Variants in ZFAT observed in about 807,000 individuals in gnomAD.
ZFAT encodes the protein zinc finger and AT-hook domain containing, also known as zinc finger protein ZFAT.
In ZFAT, 64 loss-of-function variants were observed where a neutral mutation model predicts 117.7. The observed-to-expected ratio is 0.54, with a 90% confidence interval of 0.44 to 0.67. The LOEUF is 0.67. Among genes scored for constraint, ZFAT ranks in the 30% least tolerant of loss-of-function variants. The pLI, the probability that ZFAT is intolerant of heterozygous loss-of-function variation, is 0.00. For missense variants in ZFAT, 1,433 were observed against 1,584.5 expected, an observed-to-expected ratio of 0.90 and a Z score of 1.62; for synonymous variants, 679 against 615.0, an observed-to-expected ratio of 1.10 and a Z score of -1.54.
intron 15 of ZFAT, among the ~76,000 whole-genome samples, chr8:134,489,584 C>T (rs1942633878): frequency 1.3e-5 from 2 of 152,164 alleles, no homozygotes; most frequent in Non-Finnish European, 2.9e-5. Context: ...ATCTCTGCCG[C>T]ATCTGTCTCC....
chr8:134,737,172 C>T, the ZFAT span, among the ~76,000 whole-genome samples: 1 of 151,978 alleles, frequency 6.6e-6, no homozygotes, highest in African/African-American at 2.4e-5. Flanking sequence ...CCCAGCTACC[C>T]AGGAGGCTGA....
At chr8:134,637,940 T>C (rs569799424) in intron 2 of ZFAT, among the ~76,000 whole-genome samples, 2 of 152,338 alleles carry the variant, frequency 1.3e-5, no homozygotes, top group South Asian at 2.1e-4. Flanking sequence ...TTCAAGACCA[T>C]CAGTTTATCA....
At chr8:134,830,040 A>G in the ZFAT span, among the ~76,000 whole-genome samples, 2 of 152,220 alleles carry the variant, frequency 1.3e-5, no homozygotes, top group Admixed American at 6.5e-5. Flanking sequence ...ATGTGTTTTT[A>G]CCACCTGGAG....
the ZFAT span, among the ~76,000 whole-genome samples, chr8:134,770,610 TGAAAAAA>T: frequency 1.3e-5 from 2 of 152,252 alleles, no homozygotes; most frequent in East Asian, 3.9e-4. Context: ...CTGGGCACCT[TGAAAAAA>T]GAACAAGATA....
chr8:134,779,390 A>G, the ZFAT span, among the ~76,000 whole-genome samples: 4 of 151,738 alleles, frequency 2.6e-5, no homozygotes, highest in Non-Finnish European at 5.9e-5. Context: ...ACAATGTGGG[A>G]CAGACACGCT....
chr8:134,698,410 G>T (rs2131351641), intron 1 of ZFAT, among the ~76,000 whole-genome samples: 1 of 152,050 alleles, frequency 6.6e-6, no homozygotes, highest in South Asian at 2.1e-4. Flanking sequence ...ATGCCCAGAA[G>T]AGGCAGCGGG....
chr8:134,708,513 A>C lies in ZFAT; in HGVS notation c.19+4332T>G, dbSNP rs371265392. Among the ~76,000 whole-genome samples the C allele has an allele frequency of 3.3e-5, 5 of 152,272 alleles. No individual in the cohort carries two copies. In the East Asian group the frequency reaches 7.7e-4, roughly 23 times the overall value. The stretch of plus-strand genomic sequence containing the variant: ...CCCAATTTTAAGTCCGTGTTTTTCT[A>C]TAAATATGCCAAGCATTATCTTTAT... On this transcript the variant is annotated intron_variant, in intron 1 of 15. Transcript: ENST00000377838.
chr8:134,821,530 A>G, the ZFAT span, among the ~76,000 whole-genome samples: 2 of 151,844 alleles, frequency 1.3e-5, no homozygotes, highest in African/African-American at 4.8e-5. Context: ...TCTGTAAACC[A>G]TGTCACATGC....
At chr8:134,633,970 T>C (rs1364356683) in intron 3 of ZFAT, among the ~76,000 whole-genome samples, 5 of 152,036 alleles carry the variant, frequency 3.3e-5, no homozygotes, top group Non-Finnish European at 5.9e-5. Flanking sequence ...CACTTGAACC[T>C]GGGAGGCAGA....
At chr8:134,729,277 G>C in the ZFAT span, among the ~76,000 whole-genome samples, 1 of 152,070 alleles carries the variant, frequency 6.6e-6, no homozygotes, top group Non-Finnish European at 1.5e-5. Flanking sequence ...GTAAAATTGG[G>C]AGATGGCTGG....
intron 3 of ZFAT, among the ~76,000 whole-genome samples, chr8:134,613,527 A>G (rs992554232): frequency 1.3e-5 from 2 of 152,098 alleles, no homozygotes; most frequent in Non-Finnish European, 2.9e-5. Flanking sequence ...CTCTCCCCTC[A>G]CCATTCCTAC....
the ZFAT span, among the ~76,000 whole-genome samples, chr8:134,770,432 T>C: frequency 4.0e-4 from 61 of 152,362 alleles, no homozygotes; most frequent in African/African-American, 1.3e-3. Context: ...GAATGTTTCA[T>C]GGACACTTAT....
At chr8:134,620,335 T>C (rs1829028406) in intron 3 of ZFAT, among the ~76,000 whole-genome samples, 1 of 152,090 alleles carries the variant, frequency 6.6e-6, no homozygotes, top group Non-Finnish European at 1.5e-5. Flanking sequence ...GGCCATTTGC[T>C]CCTAATCACT....
chr8:134,637,702 G>C lies in ZFAT; in HGVS notation c.207C>G (p.Val69=). 6.2e-7 allele frequency: 1 copy of C among 1,613,624 alleles called. No individual in the cohort carries two copies. Among genetic ancestry groups the C allele is most frequent in the Non-Finnish European group, 8.5e-7 (1 of 1,179,848 alleles). ...TAGGCCTGCCTCTCTTCCTCTTCAT[G>C]ACCAAAAACTCTACAGAGGAAACAA... ...NSSKTGDEFL[V]MKRKRGRPKG... The change falls in exon 3 of 16, where the codon GTC becomes GTG. Residue 69 remains valine, a synonymous_variant. Transcript: ENST00000377838.
the ZFAT span, chr8:134,767,035 C>T: frequency 6.6e-6 from 1 of 152,232 alleles, no homozygotes; most frequent in East Asian, 1.9e-4. Flanking sequence ...AACAATACCA[C>T]AAGTTACTCC....
At chr8:134,513,758 T>C (rs773996000) in intron 13 of ZFAT, among the ~76,000 whole-genome samples, 6 of 152,180 alleles carry the variant, frequency 3.9e-5, no homozygotes, top group South Asian at 2.1e-4. Context: ...AATCTACAGG[T>C]GCCAAGTTAT....
chr8:134,669,082 C>A (rs539782616), intron 1 of ZFAT, among the ~76,000 whole-genome samples: 225 of 152,270 alleles, frequency 1.5e-3, no homozygotes, highest in Non-Finnish European at 2.5e-3. Flanking sequence ...AACAAAGCCT[C>A]CAAGAAATAT....
At chr8:134,578,183 C>T (rs962204650) in intron 10 of ZFAT, among the ~76,000 whole-genome samples, 11 of 151,934 alleles carry the variant, frequency 7.2e-5, no homozygotes, top group East Asian at 5.8e-4. Flanking sequence ...GAGGCTGAGG[C>T]GGGCAGATCA....
In ZFAT at chr8:134,674,118, A is replaced by C. The variant is rs573568027; in HGVS notation, c.20-16381T>G. Among the ~76,000 whole-genome samples, 209 of 152,290 alleles carry C rather than the reference A, an allele frequency of 1.4e-3. 1 individual carries two copies. The highest frequency in any genetic ancestry group is 4.8e-3 in the African/African-American group (200 of 41,568). On this transcript the variant is annotated intron_variant, in intron 1 of 15. Transcript: ENST00000377838. Reference sequence around the variant, plus strand: ...GGACAGTGGGTGTACCCCAGAGGGCAAGCCAAAGCAAGGTGGGGCATTGCC... The same window carrying C: ...GGACAGTGGGTGTACCCCAGAGGGCCAGCCAAAGCAAGGTGGGGCATTGCC...
Sources: gnomAD v4.1 joint callset for allele counts (sites outside exome capture counted in the v4.1 genomes callset) on GRCh38, gnomAD v4.1.1 for gene constraint, MANE v1.5 for transcripts, NCBI Gene and HGNC (gene_info 2026-07-23, HGNC 2026-07-21) for gene names.